Variants in AAK1 observed in about 807,000 individuals in gnomAD.
AAK1 encodes AP2 associated kinase 1, also known as AP2-associated protein kinase 1.
In AAK1, 37 loss-of-function variants were observed where a neutral mutation model predicts 116.0. The observed-to-expected ratio is 0.32, with a 90% CI of 0.25 to 0.42. The LOEUF is 0.42. Ranked by LOEUF, AAK1 falls within the 10% of genes least tolerant of loss-of-function variation. The pLI, the probability that AAK1 is intolerant of heterozygous loss-of-function variation, is 1.00. For missense variants in AAK1, 919 were observed against 1,170.6 expected, an observed-to-expected ratio of 0.79 and a Z score of 3.14; for synonymous variants, 458 against 439.9, an observed-to-expected ratio of 1.04 and a Z score of -0.51.
chr2:69,636,619 A>G (rs1458702930), intron 2 of AAK1, among the ~76,000 whole-genome samples: 1 of 152,210 alleles, frequency 6.6e-6, no homozygotes, highest in African/African-American at 2.4e-5. Context: ...AACTGTAAGC[A>G]CTAGCCACAT....
At chr2:69,507,876 T>A (rs1676250510) in intron 14 of AAK1, among the ~76,000 whole-genome samples, 1 of 152,080 alleles carries the variant, frequency 6.6e-6, no homozygotes, top group African/African-American at 2.4e-5. Context: ...CTGGCTAATT[T>A]TTGTATTTTT....
At chr2:69,539,512 C>T in intron 5 of AAK1, among the ~76,000 whole-genome samples, 1 of 152,190 alleles carries the variant, frequency 6.6e-6, no homozygotes, top group African/African-American at 2.4e-5. Flanking sequence ...CACTCTTCTC[C>T]AAGGCAGGCA....
chr2:69,642,859 G>A lies in AAK1; in HGVS notation c.163+19C>T. 6.2e-7 allele frequency: 1 copy of A among 1,613,502 alleles called. No individual in the cohort carries two copies. Among genetic ancestry groups the A allele is most frequent in the Non-Finnish European group, 8.5e-7 (1 of 1,179,858 alleles). Reference sequence around the variant, plus strand: ...TCAGCACAAGATTTTAATTTACGGCGCATTGAGCCCCACCGTACCTTCCGC... The same window carrying A: ...TCAGCACAAGATTTTAATTTACGGCACATTGAGCCCCACCGTACCTTCCGC... On this transcript the variant is annotated intron_variant, in intron 2 of 21. Transcript: ENST00000409085.
intron 3 of AAK1, among the ~76,000 whole-genome samples, chr2:69,554,213 C>G (rs1335222792): frequency 6.6e-6 from 1 of 152,070 alleles, no homozygotes; most frequent in East Asian, 1.9e-4. Context: ...GTAAATTAGT[C>G]AGAGAATAAT....
At chr2:69,484,417 C>A (rs1293065054) in intron 17 of AAK1, among the ~76,000 whole-genome samples, 3 of 152,210 alleles carry the variant, frequency 2.0e-5, no homozygotes, top group African/African-American at 7.2e-5. Context: ...AATTCACCAT[C>A]TCTGGAGTCT....
intron 16 of AAK1, among the ~76,000 whole-genome samples, chr2:69,505,337 T>C (rs1676142918): frequency 6.6e-6 from 1 of 152,206 alleles, no homozygotes; most frequent in Non-Finnish European, 1.5e-5. Context: ...CAGACTGTCC[T>C]GCCACTTTAA....
At chr2:69,633,892 G>A (rs566566109) in intron 2 of AAK1, among the ~76,000 whole-genome samples, 6 of 152,092 alleles carry the variant, frequency 3.9e-5, no homozygotes, top group South Asian at 4.1e-4. Context: ...TGAGAGGGCC[G>A]GGCACAGTGG....
intron 13 of AAK1, among the ~76,000 whole-genome samples, chr2:69,511,125 C>T (rs1294410811): frequency 6.6e-6 from 1 of 152,138 alleles, no homozygotes; most frequent in African/African-American, 2.4e-5. Flanking sequence ...GGTATTTCAC[C>T]ATCCCTTCCC....
intron 3 of AAK1, among the ~76,000 whole-genome samples, chr2:69,554,180 C>T (rs186303326): frequency 6.6e-6 from 1 of 152,104 alleles, no homozygotes; most frequent in East Asian, 1.9e-4. Context: ...AAGGAAATGT[C>T]CAGGAAATTC....
At chr2:69,641,394 C>A (rs12477686) in intron 2 of AAK1, among the ~76,000 whole-genome samples, 21,260 of 152,058 alleles carry the variant, frequency 0.14, 3,205 homozygotes, top group East Asian at 0.39. Flanking sequence ...CTCAAGGGTG[C>A]GGATCTGGCA....
intron 2 of AAK1, among the ~76,000 whole-genome samples, chr2:69,628,590 G>A (rs927917820): frequency 6.6e-6 from 1 of 152,110 alleles, no homozygotes; most frequent in Non-Finnish European, 1.5e-5. Flanking sequence ...TGGTAGACTT[G>A]AACAACACTC....
At chr2:69,575,919 A>G (rs1386470757) in intron 2 of AAK1, among the ~76,000 whole-genome samples, 1 of 152,080 alleles carries the variant, frequency 6.6e-6, no homozygotes, top group African/African-American at 2.4e-5. Flanking sequence ...GACTTTTTGC[A>G]TTAATTTGTT....
chr2:69,486,085 G>A (rs899840459), intron 17 of AAK1, among the ~76,000 whole-genome samples: 2 of 152,024 alleles, frequency 1.3e-5, no homozygotes, highest in Non-Finnish European at 2.9e-5. Flanking sequence ...CTTCTGAGAA[G>A]CTAGGGCTAC....
chr2:69,598,371 T>TA (rs1474485045), intron 2 of AAK1: 4 of 326,508 alleles, frequency 1.2e-5, no homozygotes, highest in Non-Finnish European at 2.4e-5. Flanking sequence ...TGTTGGGTTA[T>TA]AAAATGTCCA....
rs561143297 is a variant in AAK1 at position 69,629,054 on chromosome 2, T to G, written c.163+13824A>C. Among the ~76,000 whole-genome samples the G allele has an allele frequency of 2.6e-5, 4 of 152,336 alleles. No homozygotes were observed. The East Asian group carries it at 7.7e-4, about 29-fold the overall frequency. On this transcript the variant is annotated intron_variant, in intron 2 of 21. Transcript: ENST00000409085. ...ATAAATATGAAAATCTCACGTCTTCTCCACACTCCGACCTCTTAAGTCTAT... is the reference window on the plus strand; with the variant it reads ...ATAAATATGAAAATCTCACGTCTTCGCCACACTCCGACCTCTTAAGTCTAT...
chr2:69,551,426 C>T (rs13011186), intron 3 of AAK1, among the ~76,000 whole-genome samples: 39,644 of 152,124 alleles, frequency 0.26, 6,028 homozygotes, highest in East Asian at 0.5. Context: ...ATAATCTGTT[C>T]CAGATTCTTG....
Position 69,462,656 on chromosome 2 carries a change from A to T in AAK1, c.*13213T>A, listed in dbSNP as rs1431042127. 2 of 151,090 alleles carry T rather than the reference A, an allele frequency of 1.3e-5. No individual in the cohort carries two copies. Among genetic ancestry groups the T allele is most frequent in the African/African-American group, 4.9e-5 (2 of 41,072 alleles). The allele number at this position is 151,090 out of a possible 1,614,324, so 9.4% of individuals were successfully genotyped here. On this transcript the variant is annotated 3_prime_UTR_variant, in exon 22 of 22. Transcript: ENST00000409085. ...ACACCACTGCACTCCCGCCTGAGCG[A>T]CAGAGCAAGACGCCGTCTTGAAAAA...
intron 16 of AAK1, among the ~76,000 whole-genome samples, chr2:69,505,143 A>T (rs1220443291): frequency 6.6e-6 from 1 of 152,092 alleles, no homozygotes; most frequent in East Asian, 1.9e-4. Context: ...ACCCACACAC[A>T]CACACACACA....
chr2:69,607,176 G>A (rs1558998261), intron 2 of AAK1, among the ~76,000 whole-genome samples: 2 of 152,004 alleles, frequency 1.3e-5, no homozygotes, highest in African/African-American at 4.8e-5. Context: ...AAGGGTCAGA[G>A]AAGGGTTCCC....
Sources: gnomAD v4.1 joint callset for allele counts (sites outside exome capture counted in the v4.1 genomes callset) on GRCh38, gnomAD v4.1.1 for gene constraint, MANE v1.5 for transcripts, NCBI Gene and HGNC (gene_info 2026-07-23, HGNC 2026-07-21) for gene names.